GRM3: variants seen among roughly 807,000 people sequenced by gnomAD.
GRM3 encodes metabotropic glutamate receptor 3.
GRM3 carries 26 observed loss-of-function variants against 70.5 expected under a neutral mutation model. The observed-to-expected ratio is 0.37, with a 90% CI of 0.27 to 0.51. The LOEUF (loss-of-function observed/expected upper bound fraction) is 0.51. Among genes scored for constraint, GRM3 ranks in the 20% least tolerant of loss-of-function variants. The probability of loss-of-function intolerance (pLI) is 0.93; values close to 1 mark genes in which losing one functional copy is unlikely to be tolerated. For missense variants in GRM3, 859 were observed against 1,123.8 expected, an observed-to-expected ratio of 0.76 and a Z score of 3.37; for synonymous variants, 443 against 434.9, an observed-to-expected ratio of 1.02 and a Z score of -0.23.
chr7:86,694,570 A>C (rs1003040882), intron 1 of GRM3, among the ~76,000 whole-genome samples: 2 of 151,702 alleles, frequency 1.3e-5, no homozygotes, highest in African/African-American at 4.8e-5. Flanking sequence ...TAAAAAAAGA[A>C]ATCAAAGAAA....
At chr7:86,838,462 C>G (rs929391406) in intron 3 of GRM3, among the ~76,000 whole-genome samples, 1 of 151,980 alleles carries the variant, frequency 6.6e-6, no homozygotes, top group Non-Finnish European at 1.5e-5. Flanking sequence ...TAAATAAATA[C>G]GTAATAAGAA....
chr7:86,807,571 C>T (rs1184497138), intron 3 of GRM3, among the ~76,000 whole-genome samples: 1 of 151,874 alleles, frequency 6.6e-6, no homozygotes, highest in Non-Finnish European at 1.5e-5. Context: ...TATAGGAATG[C>T]TTGTGATTTT....
intron 1 of GRM3, among the ~76,000 whole-genome samples, chr7:86,699,283 T>G (rs1408891076): frequency 6.6e-6 from 1 of 151,968 alleles, no homozygotes; most frequent in African/African-American, 2.4e-5. Context: ...TTAGAAACAA[T>G]ACCTATTAGC....
At chr7:86,646,138 G>T (rs1793467025) in intron 1 of GRM3, among the ~76,000 whole-genome samples, 2 of 152,102 alleles carry the variant, frequency 1.3e-5, no homozygotes, top group South Asian at 4.2e-4. Context: ...AAGTAATCTA[G>T]ATTGCCACTA....
rs1040177536 is a variant in GRM3 at position 86,719,976 on chromosome 7, A to G, written c.-140-45030A>G. Among the ~76,000 whole-genome samples, 5 of 152,014 alleles carry G rather than the reference A, an allele frequency of 3.3e-5. No homozygotes were observed. In the East Asian group the frequency reaches 9.7e-4, roughly 29 times the overall value. ...TACAAGGATAAAAGTAGTATAAACT[A>G]TCAGAAAAGTCAGCAAGCACCAGAT... is the stretch of plus-strand genomic sequence containing the variant. On this transcript the variant is annotated intron_variant, in intron 1 of 5. Transcript: ENST00000361669.
rs759058026 is a variant in GRM3, at chr7:86,786,929, C to T, written c.1137C>T (p.Ile379=). ...GCGTCTGCGACAAGCACCTGGCCAT[C>T]GACAGCAGCAACTACGAGCAAGAGT... is the stretch of plus-strand genomic sequence containing the variant. ...HRRVCDKHLA[I]DSSNYEQESK... Residue 379 remains isoleucine (I), a synonymous_variant, in exon 3 of 6, where the codon ATC becomes ATT. Coordinates refer to ENST00000361669, the MANE Select transcript of GRM3 (RefSeq NM_000840.3). This position sits in a 1 kb window ranked among gnomAD's most constrained non-coding sequence, Gnocchi z 6.0. 1 of 1,614,078 alleles carries T rather than the reference C, an allele frequency of 6.2e-7. No individual in the cohort carries two copies.
intron 3 of GRM3, among the ~76,000 whole-genome samples, chr7:86,826,775 T>G (rs1201751664): frequency 3.3e-5 from 5 of 152,190 alleles, no homozygotes; most frequent in African/African-American, 1.2e-4. Context: ...AGGTATGTAT[T>G]TGTTCTGAAG....
rs1795336762 is a variant in GRM3, at chr7:86,717,156, G to A, written c.-140-47850G>A. Among the ~76,000 whole-genome samples the A allele has an allele frequency of 2.0e-5, 3 of 151,846 alleles. No homozygotes were observed. The South Asian group carries it at 6.2e-4, about 31-fold the overall frequency. The stretch of plus-strand genomic sequence containing the variant: ...AATGCATCACTCAGTTTTTAAGTCT[G>A]GTTCTCTTATCACTGGACTGTGCTA... On this transcript the variant is annotated intron_variant, in intron 1 of 5. Transcript: ENST00000361669.
chr7:86,848,261 G>T (rs1798694087), intron 4 of GRM3, among the ~76,000 whole-genome samples: 1 of 152,134 alleles, frequency 6.6e-6, no homozygotes, highest in African/African-American at 2.4e-5. Flanking sequence ...TCCTCCTGAG[G>T]TCTGGCCTGT....
intron 1 of GRM3, among the ~76,000 whole-genome samples, chr7:86,691,130 C>T (rs1271164891): frequency 1.3e-5 from 2 of 152,236 alleles, no homozygotes; most frequent in South Asian, 2.1e-4. Flanking sequence ...CTTACATTCC[C>T]TAGTCATTCA....
At chr7:86,697,437 C>T (rs182434315) in intron 1 of GRM3, among the ~76,000 whole-genome samples, 57 of 152,200 alleles carry the variant, frequency 3.7e-4, no homozygotes, top group African/African-American at 1.3e-3. Context: ...AGACACTTAA[C>T]TGTCAGGGAG....
intron 1 of GRM3, among the ~76,000 whole-genome samples, chr7:86,692,108 C>A (rs1455660834): frequency 6.6e-6 from 1 of 152,200 alleles, no homozygotes; most frequent in Non-Finnish European, 1.5e-5. Flanking sequence ...AAGGTACTTT[C>A]ACCTAGAGAA....
At chr7:86,662,121 A>G (rs1261002253) in intron 1 of GRM3, among the ~76,000 whole-genome samples, 2 of 151,930 alleles carry the variant, frequency 1.3e-5, no homozygotes, top group African/African-American at 4.8e-5. Context: ...TTACTATTAA[A>G]TGCTTCTTTT....
intron 1 of GRM3, among the ~76,000 whole-genome samples, chr7:86,713,407 G>A (rs987231402): frequency 1.3e-5 from 2 of 151,914 alleles, no homozygotes; most frequent in Non-Finnish European, 2.9e-5. Context: ...TTTGTTAATT[G>A]TGTTCAACTT....
chr7:86,684,838 C>A (rs973666829), intron 1 of GRM3, among the ~76,000 whole-genome samples: 3 of 152,182 alleles, frequency 2.0e-5, no homozygotes, highest in Non-Finnish European at 4.4e-5. Flanking sequence ...CACTTTCTAG[C>A]TTTGTGACCA....
intron 1 of GRM3, among the ~76,000 whole-genome samples, chr7:86,694,212 G>A (rs1369364135): frequency 1.3e-5 from 2 of 152,062 alleles, no homozygotes; most frequent in African/African-American, 2.4e-5. Context: ...CAGAAATGAA[G>A]TACAAACTCA....
At chr7:86,846,847 C>A (rs767178576) in intron 4 of GRM3, among the ~76,000 whole-genome samples, 2 of 152,176 alleles carry the variant, frequency 1.3e-5, no homozygotes, top group Admixed American at 6.6e-5. Context: ...TGTCTGTTGG[C>A]GTTTCTTCCT....
chr7:86,845,532 A>T (rs1798639216), intron 4 of GRM3, among the ~76,000 whole-genome samples: 1 of 152,112 alleles, frequency 6.6e-6, no homozygotes, highest in South Asian at 2.1e-4. Flanking sequence ...TGTCACCAAC[A>T]AGGCATAAAA....
At chr7:86,672,784 T>C (rs1028010744) in intron 1 of GRM3, among the ~76,000 whole-genome samples, 1 of 152,140 alleles carries the variant, frequency 6.6e-6, no homozygotes, top group Non-Finnish European at 1.5e-5. Context: ...TTTAGAAGAC[T>C]CATGTCAAGC....
Sources: gnomAD v4.1 joint callset for allele counts (sites outside exome capture counted in the v4.1 genomes callset) on GRCh38, gnomAD v4.1.1 for gene constraint, Gnocchi (gnomAD v3.1) non-coding constraint, MANE v1.5 for transcripts, NCBI Gene and HGNC (gene_info 2026-07-23, HGNC 2026-07-21) for gene names.